UNC5D: variants seen among roughly 807,000 people sequenced by gnomAD.
The protein encoded by UNC5D is netrin receptor UNC5D.
UNC5D carries 39 observed loss-of-function variants against 105.4 expected under a neutral mutation model. The observed-to-expected ratio is 0.37, with a 90% CI of 0.29 to 0.48. The LOEUF is 0.48. Ranked by LOEUF, UNC5D falls within the 20% of genes least tolerant of loss-of-function variation. UNC5D has a pLI of 0.98. For missense variants in UNC5D, 991 were observed against 1,202.4 expected (o/e 0.82, Z 2.60); for synonymous variants, 452 against 450.4 (o/e 1.00, Z -0.04).
chr8:35,581,781 A>G (rs965721908), intron 3 of UNC5D, among the ~76,000 whole-genome samples: 7 of 152,106 alleles, frequency 4.6e-5, no homozygotes, highest in African/African-American at 1.7e-4. Context: ...AAAGAAAAAA[A>G]AAATCATTGC....
At chr8:35,657,658 A>G (rs923545325) in intron 4 of UNC5D, among the ~76,000 whole-genome samples, 1 of 152,016 alleles carries the variant, frequency 6.6e-6, no homozygotes, top group African/African-American at 2.4e-5. Flanking sequence ...ATAATTTTTA[A>G]ATTTTGTTTA....
chr8:35,324,233 C>CAAAAA (rs569409228), intron 1 of UNC5D, among the ~76,000 whole-genome samples: 13 of 62,796 alleles, frequency 2.1e-4, no homozygotes, highest in East Asian at 5.0e-4. Context: ...ACCCTGTCTC[C>CAAAAA]AAAAAAAAAA....
chr8:35,330,991 G>A (rs1444406957), intron 1 of UNC5D, among the ~76,000 whole-genome samples: 1 of 152,124 alleles, frequency 6.6e-6, no homozygotes, highest in Admixed American at 6.5e-5. Flanking sequence ...GGCTGCTCAG[G>A]GTTGCTTTGG....
intron 1 of UNC5D, among the ~76,000 whole-genome samples, chr8:35,527,724 G>C (rs1586052514): frequency 6.6e-6 from 1 of 151,914 alleles, no homozygotes; most frequent in African/African-American, 2.4e-5. Context: ...TATATTTTTA[G>C]TAGAGATGGG....
chr8:35,291,624 T>G (rs2128861901), intron 1 of UNC5D, among the ~76,000 whole-genome samples: 1 of 152,320 alleles, frequency 6.6e-6, no homozygotes, highest in South Asian at 2.1e-4. Flanking sequence ...CTTCAGTAAC[T>G]TCTTGGGGCT....
chr8:35,572,292 A>AC (rs1817787696), intron 3 of UNC5D, among the ~76,000 whole-genome samples: 1 of 150,610 alleles, frequency 6.6e-6, no homozygotes, highest in Non-Finnish European at 1.5e-5. Context: ...AAAAAAAAAA[A>AC]AAAAAAAACC....
intron 1 of UNC5D, among the ~76,000 whole-genome samples, chr8:35,298,649 A>G (rs1807690491): frequency 7.8e-6 from 1 of 128,404 alleles, no homozygotes; most frequent in Admixed American, 9.8e-5. Flanking sequence ...AAGTATGTGT[A>G]TGTTGAGTAG....
chr8:35,731,196 C>T (rs1351817466), intron 11 of UNC5D, 100 bp downstream of exon 11: 28 of 1,109,514 alleles, frequency 2.5e-5, no homozygotes, highest in Non-Finnish European at 2.5e-5. Context: ...GTCAGGAGTT[C>T]GAGACCAGCC....
chr8:35,274,348 G>A (rs1805625316), intron 1 of UNC5D, among the ~76,000 whole-genome samples: 1 of 152,184 alleles, frequency 6.6e-6, no homozygotes, highest in Admixed American at 6.5e-5. Flanking sequence ...CTTAAGTTCA[G>A]CATAGCGGCA....
intron 4 of UNC5D, among the ~76,000 whole-genome samples, chr8:35,676,869 C>T (rs537234249): frequency 2.4e-4 from 36 of 150,334 alleles, no homozygotes; most frequent in South Asian, 1.1e-3. Context: ...TTTTTGTGGA[C>T]GAGGGGGGCA....
chr8:35,574,889 T>C (rs28448320), intron 3 of UNC5D, among the ~76,000 whole-genome samples: 2 of 152,118 alleles, frequency 1.3e-5, no homozygotes, highest in Non-Finnish European at 2.9e-5. Context: ...TTTTTATCCT[T>C]GGAACATATT....
chr8:35,318,524 A>C (rs1392110415), intron 1 of UNC5D, among the ~76,000 whole-genome samples: 4 of 152,114 alleles, frequency 2.6e-5, no homozygotes, highest in Middle Eastern at 3.2e-3. Flanking sequence ...TTTATCATCC[A>C]TAACATTTTA....
rs35774459 is a variant in UNC5D, at chr8:35,335,756, A to ATTTTTTTTTTTTT, written c.103+99882_103+99894dup. On this transcript the variant is annotated intron_variant, in intron 1 of 16. Coordinates refer to ENST00000404895, the MANE Select transcript of UNC5D (RefSeq NM_080872.4). Reference sequence around the variant, plus strand: ...GGATAGAATGAAATGAGAGATTGCAATTTTTTTTTTTTTTTTTTTTTTTTT... The same window carrying ATTTTTTTTTTTTT: ...GGATAGAATGAAATGAGAGATTGCAATTTTTTTTTTTTTTTTTTTTTTTTTTTTTTTTTTTTTT... Among the ~76,000 whole-genome samples, 297 of 90,446 alleles carry ATTTTTTTTTTTTT rather than the reference A, an allele frequency of 3.3e-3. 13 individuals are homozygous for ATTTTTTTTTTTTT. The highest frequency in any genetic ancestry group is 4.3e-3 in the Non-Finnish European group (214 of 49,568). 59.3% of individuals were successfully genotyped at this position (90,446 alleles called of 152,430 possible).
At chr8:35,728,095 A>AATATATATATATATATATATATATATAT (rs1554596595) in intron 10 of UNC5D, among the ~76,000 whole-genome samples, 25 of 110,260 alleles carry the variant, frequency 2.3e-4, no homozygotes, top group African/African-American at 1.1e-3. Context: ...AAAAAAAAAA[A>AATATATATATATATATATATATATATAT]ATATATATAT....
At chr8:35,687,962 C>T (rs1459278679) in intron 7 of UNC5D, among the ~76,000 whole-genome samples, 2 of 151,902 alleles carry the variant, frequency 1.3e-5, no homozygotes, top group Admixed American at 6.6e-5. Flanking sequence ...AACCCCATCT[C>T]TACTAAAAAT....
intron 1 of UNC5D, among the ~76,000 whole-genome samples, chr8:35,425,345 T>C (rs1806172599): frequency 6.6e-6 from 1 of 152,126 alleles, no homozygotes; most frequent in Non-Finnish European, 1.5e-5. Context: ...ATCTGGGAAG[T>C]TTCCACTTCA....
intron 3 of UNC5D, among the ~76,000 whole-genome samples, chr8:35,572,473 T>C (rs1266261007): frequency 1.3e-5 from 2 of 152,056 alleles, no homozygotes; most frequent in Non-Finnish European, 2.9e-5. Context: ...TTTCAGATCA[T>C]TTGATTTTAA....
chr8:35,533,156 T>C (rs28894781), intron 1 of UNC5D, among the ~76,000 whole-genome samples: 1,992 of 152,214 alleles, frequency 0.013, 59 homozygotes, highest in African/African-American at 0.046. Flanking sequence ...TTCTGTTCTG[T>C]TTTTTCCCCA....
chr8:35,495,458 CAAAAAAAAA>C (rs71547636), intron 1 of UNC5D, among the ~76,000 whole-genome samples: 5 of 44,620 alleles, frequency 1.1e-4, no homozygotes, highest in Admixed American at 3.5e-4. Context: ...ACAACAACAA[CAAAAAAAAA>C]AAAAAAAAAA....
Sources: gnomAD v4.1 joint callset for allele counts (sites outside exome capture counted in the v4.1 genomes callset) on GRCh38, gnomAD v4.1.1 for gene constraint, MANE v1.5 for transcripts, NCBI Gene and HGNC (gene_info 2026-07-23, HGNC 2026-07-21) for gene names.